NRK: variants seen among roughly 807,000 people sequenced by gnomAD.
The protein encoded by NRK is nik-related protein kinase.
NRK carries 67 observed loss-of-function variants against 125.2 expected under a neutral mutation model. That is an observed-to-expected ratio of 0.54 (90% CI 0.44 to 0.66). The LOEUF (loss-of-function observed/expected upper bound fraction) is 0.66. Ranked by LOEUF, NRK falls within the 30% of genes least tolerant of loss-of-function variation. The pLI is 0.00. For synonymous variants in NRK, 458 were observed against 429.0 expected (o/e 1.07, Z -0.84); for missense variants, 1,224 against 1,192.9 (o/e 1.03, Z -0.38).
chrX:105,889,552 A>T (rs1453352739), intron 5 of NRK, among the ~76,000 whole-genome samples: 1 of 112,191 alleles, frequency 8.9e-6, no homozygotes, highest in Non-Finnish European at 1.9e-5. Flanking sequence ...GCCCTAACAG[A>T]GGTTCTCCAC....
At position 105,923,493 on chromosome X, in the gene NRK, T is replaced by A; in HGVS notation, c.2975+11T>A. 1 of 1,094,620 alleles carries A rather than the reference T, an allele frequency of 9.1e-7. No homozygotes were observed. The highest frequency in any genetic ancestry group is 1.2e-6 in the Non-Finnish European group (1 of 827,137). 90.2% of individuals were successfully genotyped at this position (1,094,620 alleles called of 1,213,427 possible). On this transcript the variant is annotated intron_variant, in intron 18 of 28. Coordinates refer to ENST00000243300, the MANE Select transcript of NRK (RefSeq NM_198465.4). ...GCCTAGTTGTCCAAGGTTGGTTTTTTTGAATTACTTATACTCTCCATGTTT... is the reference window on the plus strand; with the variant it reads ...GCCTAGTTGTCCAAGGTTGGTTTTTATGAATTACTTATACTCTCCATGTTT...
rs1460970521 is a variant in NRK at position 105,880,149 on chromosome X, G to A, written c.124-50G>A. The A allele has an allele frequency of 5.0e-6, 3 of 598,052 alleles. No homozygotes were observed. In the African/African-American group the frequency reaches 7.1e-5, roughly 14 times the overall value. The allele number at this position is 598,052 out of a possible 1,213,427, so 49.3% of individuals were successfully genotyped here. A position where few individuals can be genotyped will look rare whatever the true frequency, so the allele number is the denominator to read the frequency against. ...TTTCTACTTTAATTGCTTCTTGATA[G>A]CTGGATTACCTAGCCAGCATTTGAT... On this transcript the variant is annotated intron_variant, in intron 2 of 28. Transcript: ENST00000243300.
chrX:105,909,465 G>C lies in NRK; in HGVS notation c.1824G>C (p.Val608=). The change falls in exon 13 of 29, where the codon GTG becomes GTC. Residue 608 remains valine, a synonymous_variant. Transcript: ENST00000243300. ...TGCCACTACATTTGGATACTCAGGT[G>C]CTCATTCCAGTAGAGGGGCAAACTG... ...VLLPLHLDTQ[V]LIPVEGQTEG... 1.7e-6 allele frequency: 2 copies of C among 1,209,295 alleles called. No homozygotes were observed. Among genetic ancestry groups the C allele is most frequent in the Non-Finnish European group, 2.2e-6 (2 of 893,772 alleles).
chrX:105,874,268 C>A (rs1368088459), intron 2 of NRK, among the ~76,000 whole-genome samples: 1 of 111,938 alleles, frequency 8.9e-6, no homozygotes, highest in Non-Finnish European at 1.9e-5. Flanking sequence ...TGAGCATGCC[C>A]AAAGGCAGAG....
At chrX:105,933,870 C>T (rs1355355246) in intron 19 of NRK, among the ~76,000 whole-genome samples, 3 of 111,656 alleles carry the variant, frequency 2.7e-5, no homozygotes, top group Non-Finnish European at 1.9e-5. Context: ...ACATTATTTA[C>T]TGTCTCTAAA....
At chrX:105,869,561 C>T (rs2039716086) in intron 2 of NRK, among the ~76,000 whole-genome samples, 1 of 111,396 alleles carries the variant, frequency 9.0e-6, no homozygotes, top group Non-Finnish European at 1.9e-5. Flanking sequence ...TTGAGTACTA[C>T]TAGTTACTGC....
chrX:105,830,955 G>A (rs748918443), intron 1 of NRK, 99 bp from the exon 2 acceptor site: 2 of 520,670 alleles, frequency 3.8e-6, no homozygotes, highest in Non-Finnish European at 6.4e-6. Context: ...TTGTGCACAT[G>A]TACCCTAGAA....
At position 105,909,398 on chromosome X, in the gene NRK, A is replaced by G. The variant is rs1167685723; in HGVS notation, c.1757A>G (p.Gln586Arg). 5 of 1,207,013 alleles carry G rather than the reference A, an allele frequency of 4.1e-6. No individual in the cohort carries two copies. In the South Asian group the frequency reaches 8.9e-5, roughly 21 times the overall value. The stretch of plus-strand genomic sequence containing the variant: ...CCTGAGTCATTACGAGTAAATGCCC[A>G]GGTATTTCTGCCCCTGCTATCACAA... Reference protein sequence around the residue: ...EEPESLRVNAQVFLPLLSQDH... With the variant: ...EEPESLRVNARVFLPLLSQDH... The change falls in exon 13 of 29, where the codon CAG becomes CGG. Residue 586 changes from glutamine (Q) to arginine (R), a missense_variant. Gln to Arg is a conservative substitution (Grantham distance 43). Coordinates refer to ENST00000243300, the MANE Select transcript of NRK (RefSeq NM_198465.4).
intron 16 of NRK, among the ~76,000 whole-genome samples, chrX:105,918,404 G>C (rs752495634): frequency 9.0e-6 from 1 of 110,917 alleles, no homozygotes; most frequent in Non-Finnish European, 1.9e-5. Context: ...TAAAAATATA[G>C]TATACTGATT....
intron 2 of NRK, among the ~76,000 whole-genome samples, chrX:105,869,490 C>T (rs1223112742): frequency 1.8e-5 from 2 of 111,313 alleles, no homozygotes; most frequent in Admixed American, 1.9e-4. Flanking sequence ...TTCCCTCCTC[C>T]TTGGCATTTC....
Position 105,924,871 on chromosome X carries a change from G to T in NRK, c.3152G>T (p.Gly1051Val), listed in dbSNP as rs1243186715. 2 of 1,209,429 alleles carry T rather than the reference G, an allele frequency of 1.7e-6. No homozygotes were observed. Among genetic ancestry groups the T allele is most frequent in the Admixed American group, 4.4e-5 (2 of 45,610 alleles). ...GDQEEHAANI[G>V]SERRGSEGDG... Reference sequence around the variant, plus strand: ...CAGGAAGAACATGCAGCCAATATAGGCAGTGAAAGAAGAGGCAGTGAGGGT... The same window carrying T: ...CAGGAAGAACATGCAGCCAATATAGTCAGTGAAAGAAGAGGCAGTGAGGGT... The change falls in exon 19 of 29, where the codon GGC (glycine) becomes GTC (valine). Residue 1051 changes from glycine (G) to valine (V), a missense_variant. Coordinates refer to ENST00000243300, the MANE Select transcript of NRK (RefSeq NM_198465.4).
intron 2 of NRK, 73 bp downstream of exon 2, chrX:105,831,192 A>T: frequency 1.6e-6 from 1 of 638,245 alleles, no homozygotes; most frequent in Non-Finnish European, 2.5e-6. Context: ...AGACACTGCA[A>T]ATCACATAAT....
chrX:105,823,319 G>A (rs906902139), intron 1 of NRK, among the ~76,000 whole-genome samples: 5 of 112,208 alleles, frequency 4.5e-5, no homozygotes, highest in Admixed American at 9.4e-5. Flanking sequence ...CCGCCCCATC[G>A]TTTGCTGCTT....
chrX:105,868,386 A>G (rs1265364542), intron 2 of NRK, among the ~76,000 whole-genome samples: 1 of 111,390 alleles, frequency 9.0e-6, no homozygotes, highest in Non-Finnish European at 1.9e-5. Context: ...AAATCTGGGA[A>G]TTGTCATTGC....
At chrX:105,833,523 T>G (rs1569286940) in intron 2 of NRK, among the ~76,000 whole-genome samples, 1 of 110,850 alleles carries the variant, frequency 9.0e-6, no homozygotes, top group African/African-American at 3.3e-5. Context: ...AAATAAAAGC[T>G]CAGAGTCATA....
chrX:105,853,418 C>T (rs181798089), intron 2 of NRK, among the ~76,000 whole-genome samples: 1 of 112,091 alleles, frequency 8.9e-6, no homozygotes, highest in Non-Finnish European at 1.9e-5. Context: ...CACTTAGAAC[C>T]AGGCACTAAC....
In NRK at chrX:105,908,836, GA is replaced by G; in HGVS notation, c.1197del (p.Glu400SerfsTer30). ...PSQPRWLPDR[E>X]EPQVQALQQL... The stretch of plus-strand genomic sequence containing the variant: ...TCAGCCAAGGTGGCTACCTGATCGA[GA>G]AGAGCCACAGGTCCAGGCACTTCAG... On this transcript the variant is annotated frameshift_variant, in exon 13 of 29. Transcript: ENST00000243300. LOFTEE classifies it high-confidence loss of function. 1 of 1,210,206 alleles carries G rather than the reference GA, an allele frequency of 8.3e-7. No homozygotes were observed. Among genetic ancestry groups the G allele is most frequent in the Non-Finnish European group, 1.1e-6 (1 of 894,226 alleles).
chrX:105,917,538 A>G (rs1463866700), intron 15 of NRK, 40 bp from the exon 16 acceptor site: 1 of 854,190 alleles, frequency 1.2e-6, no homozygotes, highest in South Asian at 2.8e-5. Context: ...CCCTTTATGA[A>G]TGTTAGGACA....
At position 105,822,869 on chromosome X, in the gene NRK, G is replaced by A; in HGVS notation, c.24G>A (p.Arg8=). Residue 8 remains arginine, a synonymous_variant, in exon 1 of 29, where the codon AGG becomes AGA. Transcript: ENST00000243300. ...CCATGGCGGGACCTGGGGGCTGGAG[G>A]GACAGGGAGGTCACGGATCTGGGCC... MAGPGGW[R]DREVTDLGHL... 1.7e-6 allele frequency: 2 copies of A among 1,172,041 alleles called. No homozygotes were observed. Among genetic ancestry groups the A allele is most frequent in the Non-Finnish European group, 2.3e-6 (2 of 874,636 alleles).
Sources: gnomAD v4.1 joint callset for allele counts (sites outside exome capture counted in the v4.1 genomes callset) on GRCh38, gnomAD v4.1.1 for gene constraint, MANE v1.5 for transcripts, NCBI Gene and HGNC (gene_info 2026-07-23, HGNC 2026-07-21) for gene names.